The following SNX30 variants were observed in gnomAD, a reference collection of about 807,000 sequenced individuals.
The protein encoded by SNX30 is sorting nexin family member 30, also known as sorting nexin-30.
A neutral mutation model predicts 46.4 loss-of-function variants in SNX30; 24 were observed. That is an observed-to-expected ratio of 0.52 (90% CI 0.37 to 0.73). The LOEUF is 0.73. Ranked by LOEUF, SNX30 falls within the 30% of genes least tolerant of loss-of-function variation. The pLI is 0.00. For synonymous variants in SNX30, 189 were observed against 211.5 expected (o/e 0.89, Z 0.92); for missense variants, 533 against 555.7 (o/e 0.96, Z 0.41).
Position 112,750,924 on chromosome 9 carries a change from GGCCCGGGGTGCTCGGGGAGCTC to G in SNX30, c.-74_-53del. ...GTTAAGCGGCGGCCGAGCGGGGCTC[GGCCCGGGGTGCTCGGGGAGCTC>G]GCCGCGGCGGGCAGCAGGAGGAAGC... On this transcript the variant is annotated 5_prime_UTR_variant, in exon 1 of 9. Transcript: ENST00000374232. The G allele has an allele frequency of 8.7e-7, 1 of 1,149,078 alleles. No homozygotes were observed. The highest frequency in any genetic ancestry group is 1.1e-6 in the Non-Finnish European group (1 of 934,838). 71.2% of individuals were successfully genotyped at this position (1,149,078 alleles called of 1,614,324 possible).
At chr9:112,759,549 G>A (rs1051393802) in intron 1 of SNX30, among the ~76,000 whole-genome samples, 1 of 152,036 alleles carries the variant, frequency 6.6e-6, no homozygotes, top group African/African-American at 2.4e-5. Context: ...CCAACATGGC[G>A]AAACCCTGTC....
intron 1 of SNX30, among the ~76,000 whole-genome samples, chr9:112,804,372 C>T (rs1588121549): frequency 6.6e-6 from 1 of 152,174 alleles, no homozygotes; most frequent in Non-Finnish European, 1.5e-5. Flanking sequence ...ACCATGTTGG[C>T]CAGGCTGGTC....
Position 112,869,251 on chromosome 9 carries a change from CA to C in SNX30, c.*409del. On this transcript the variant is annotated 3_prime_UTR_variant, in exon 9 of 9. Coordinates refer to ENST00000374232, the MANE Select transcript of SNX30 (RefSeq NM_001012994.2). The stretch of plus-strand genomic sequence containing the variant: ...TTCAAGGATGAGGAGGAGGCAGGAA[CA>C]GAAGGCAGCTGCTGCTTTCTGTGGA... 1 of 212,672 alleles carries C rather than the reference CA, an allele frequency of 4.7e-6. No individual in the cohort carries two copies. Among genetic ancestry groups the C allele is most frequent in the Non-Finnish European group, 9.7e-6 (1 of 102,770 alleles). The allele number at this position is 212,672 out of a possible 1,614,324, so 13.2% of individuals were successfully genotyped here.
At chr9:112,858,481 C>T (rs937885957) in intron 7 of SNX30, among the ~76,000 whole-genome samples, 5 of 152,084 alleles carry the variant, frequency 3.3e-5, no homozygotes, top group Non-Finnish European at 5.9e-5. Context: ...TGCCACTGCA[C>T]TCCAGCCTGG....
In SNX30 at chr9:112,750,793, C is replaced by G. The variant is rs1011290648; in HGVS notation, c.-209C>G. On this transcript the variant is annotated 5_prime_UTR_variant, in exon 1 of 9. Transcript: ENST00000374232. ...GCTGCCAGCGGACCCGCGGCGGGCT[C>G]GGGCGCGGAGCGGGGGCGCGCGGCG... The G allele has an allele frequency of 1.5e-5, 3 of 196,044 alleles. No homozygotes were observed. Among genetic ancestry groups the G allele is most frequent in the African/African-American group, 7.2e-5 (3 of 41,644 alleles). The allele number at this position is 196,044 out of a possible 1,614,324, so 12.1% of individuals were successfully genotyped here.
chr9:112,853,419 ATCT>A (rs1841066280), intron 7 of SNX30, among the ~76,000 whole-genome samples: 1 of 152,198 alleles, frequency 6.6e-6, no homozygotes. Context: ...CTGGCCTGTG[ATCT>A]TCTGGAACAT....
At chr9:112,774,059 A>G (rs1213707308) in intron 1 of SNX30, among the ~76,000 whole-genome samples, 1 of 152,222 alleles carries the variant, frequency 6.6e-6, no homozygotes, top group Admixed American at 6.5e-5. Context: ...GGATGAGAGA[A>G]ACTGGACTTA....
At chr9:112,834,491 C>T (rs926545154) in intron 4 of SNX30, among the ~76,000 whole-genome samples, 3 of 152,004 alleles carry the variant, frequency 2.0e-5, no homozygotes, top group South Asian at 2.1e-4. Flanking sequence ...TTGCATTGGG[C>T]GAGGCGTGGG....
downstream of SNX30, among the ~76,000 whole-genome samples, chr9:112,883,123 G>A (rs957309693): frequency 6.6e-6 from 1 of 152,218 alleles, no homozygotes; most frequent in Non-Finnish European, 1.5e-5. Context: ...CTCTGGTGGA[G>A]TTGAGCAGGG....
At chr9:112,778,895 G>C (rs867858048) in intron 1 of SNX30, among the ~76,000 whole-genome samples, 70 of 152,088 alleles carry the variant, frequency 4.6e-4, no homozygotes, top group African/African-American at 1.3e-3. Flanking sequence ...AGAACTTGGG[G>C]GGGGGGGATT....
At chr9:112,878,126 C>T (rs942659468), downstream of SNX30, 2 of 152,234 alleles carry the variant, frequency 1.3e-5, no homozygotes, top group Non-Finnish European at 2.9e-5. Context: ...CTCAGTGTTG[C>T]CAGGGAGCTG....
At chr9:112,781,991 T>TA (rs1839853864) in intron 1 of SNX30, among the ~76,000 whole-genome samples, 1 of 152,256 alleles carries the variant, frequency 6.6e-6, no homozygotes, top group South Asian at 2.1e-4. Flanking sequence ...GCTGATGAAA[T>TA]AAAAAGAATT....
At chr9:112,815,689 A>T (rs1262558447) in intron 2 of SNX30, among the ~76,000 whole-genome samples, 1 of 152,176 alleles carries the variant, frequency 6.6e-6, no homozygotes, top group East Asian at 1.9e-4. Context: ...AAGAAGGCAA[A>T]AAGTAGAGCC....
chr9:112,817,650 C>T, intron 2 of SNX30, 55 bp from the exon 3 acceptor site: 3 of 1,060,706 alleles, frequency 2.8e-6, no homozygotes, highest in Admixed American at 1.8e-5. Flanking sequence ...TCCTTCCCTT[C>T]AGCCAAGATA....
intron 6 of SNX30, among the ~76,000 whole-genome samples, chr9:112,844,935 C>A (rs1840917775): frequency 6.6e-6 from 1 of 152,148 alleles, no homozygotes; most frequent in South Asian, 2.1e-4. Context: ...CGGTGCCTTT[C>A]CAAAACTGAA....
intron 8 of SNX30, among the ~76,000 whole-genome samples, chr9:112,865,605 T>TTTTTTGATCC (rs1446486308): frequency 1.5e-5 from 2 of 135,112 alleles, no homozygotes; most frequent in Non-Finnish European, 3.1e-5. Flanking sequence ...GGTAACAGAG[T>TTTTTTGATCC]TTTTTGATCC....
chr9:112,848,295 T>C (rs527699631), intron 6 of SNX30, among the ~76,000 whole-genome samples: 1 of 152,154 alleles, frequency 6.6e-6, no homozygotes, highest in African/African-American at 2.4e-5. Context: ...CTGACAGCCA[T>C]AGGCTGGTTT....
chr9:112,779,641 G>A (rs560226064), intron 1 of SNX30, among the ~76,000 whole-genome samples: 1 of 152,300 alleles, frequency 6.6e-6, no homozygotes, highest in East Asian at 1.9e-4. Context: ...GTTGCAATGA[G>A]CCAAGATCGC....
chr9:112,791,121 G>T lies in SNX30; in HGVS notation c.157-13655G>T, dbSNP rs370042594. Among the ~76,000 whole-genome samples, 7 of 152,080 alleles carry T rather than the reference G, an allele frequency of 4.6e-5. No homozygotes were observed. The East Asian group carries it at 1.2e-3, about 25-fold the overall frequency. ...GTATATAATTGAGTGTATATTCACA[G>T]GGTTGTGCAACCATCATCGCTATCT... On this transcript the variant is annotated intron_variant, in intron 1 of 8. Coordinates refer to ENST00000374232, the MANE Select transcript of SNX30 (RefSeq NM_001012994.2).
Sources: gnomAD v4.1 joint callset for allele counts (sites outside exome capture counted in the v4.1 genomes callset) on GRCh38, gnomAD v4.1.1 for gene constraint, MANE v1.5 for transcripts, NCBI Gene and HGNC (gene_info 2026-07-23, HGNC 2026-07-21) for gene names.